Variants in SCFD2 observed in about 807,000 individuals in gnomAD.
The protein encoded by SCFD2 is sec1 family domain-containing protein 2.
SCFD2 carries 54 observed loss-of-function variants against 58.9 expected under a neutral mutation model. The observed-to-expected ratio is 0.92, with a 90% CI of 0.74 to 1.15. The LOEUF is 1.15. Among genes scored for constraint, SCFD2 ranks in the 50% most tolerant of loss-of-function variants. SCFD2 has a pLI of 0.00. For synonymous variants in SCFD2, 321 were observed against 335.9 expected (o/e 0.96, Z 0.49); for missense variants, 805 against 836.6 (o/e 0.96, Z 0.47).
chr4:53,291,446 A>C (rs1731836525), intron 3 of SCFD2, among the ~76,000 whole-genome samples: 1 of 152,160 alleles, frequency 6.6e-6, no homozygotes, highest in South Asian at 2.1e-4. Flanking sequence ...TTCAAGGAGA[A>C]CTACAAACCA....
chr4:52,907,164 C>A (rs928675877), intron 7 of SCFD2, among the ~76,000 whole-genome samples: 6 of 152,194 alleles, frequency 3.9e-5, no homozygotes, highest in African/African-American at 1.4e-4. Context: ...AAAACATAGG[C>A]TGCAAGGAGG....
chr4:53,162,013 A>T (rs1390167293), intron 4 of SCFD2, among the ~76,000 whole-genome samples: 1 of 152,200 alleles, frequency 6.6e-6, no homozygotes, highest in Admixed American at 6.5e-5. Context: ...CTTTATAAAA[A>T]TATGCATACT....
chr4:53,338,575 C>CTTTTTTTTTTTCTTTTT (rs1733753213), intron 2 of SCFD2, among the ~76,000 whole-genome samples: 1 of 72,296 alleles, frequency 1.4e-5, no homozygotes, highest in Admixed American at 2.4e-4. Flanking sequence ...GTATATTTTT[C>CTTTTTTTTTTTCTTTTT]TTTTTTTTTT....
At chr4:53,134,619 A>G (rs1725886226) in intron 5 of SCFD2, among the ~76,000 whole-genome samples, 2 of 152,266 alleles carry the variant, frequency 1.3e-5, no homozygotes, top group Non-Finnish European at 2.9e-5. Flanking sequence ...AGGAATCTCT[A>G]TACCATTATT....
intron 5 of SCFD2, chr4:52,949,752 C>T (rs1316294662): frequency 6.6e-6 from 1 of 152,172 alleles, no homozygotes; most frequent in Non-Finnish European, 1.5e-5. Context: ...ACCTAATGCT[C>T]CAGGAAAACA....
At position 53,293,577 on chromosome 4, in the gene SCFD2, A is replaced by C. The variant is rs543814516; in HGVS notation, c.1136-19576T>G. On this transcript the variant is annotated intron_variant, in intron 3 of 8. Transcript: ENST00000401642. ...AAAAAAGCATTTGCTAAAGTTCAAC[A>C]TCCTTTCTTCATAAAACCTCTTAAT... Among the ~76,000 whole-genome samples the C allele has an allele frequency of 8.3e-4, 127 of 152,308 alleles. 1 individual carries two copies. The South Asian group carries it at 0.025, about 30-fold the overall frequency.
intron 4 of SCFD2, among the ~76,000 whole-genome samples, chr4:53,249,640 G>C (rs1367688738): frequency 6.6e-6 from 1 of 152,162 alleles, no homozygotes; most frequent in Non-Finnish European, 1.5e-5. Context: ...AAGAGAGTGG[G>C]GGCCAATAAT....
At chr4:52,898,959 C>G (rs2109461582) in intron 7 of SCFD2, among the ~76,000 whole-genome samples, 2 of 152,300 alleles carry the variant, frequency 1.3e-5, no homozygotes, top group South Asian at 4.1e-4. Flanking sequence ...TTATCCAAGA[C>G]TAGGATTGCA....
chr4:53,042,742 C>T (rs1351247474), intron 5 of SCFD2, among the ~76,000 whole-genome samples: 1 of 151,904 alleles, frequency 6.6e-6, no homozygotes, highest in African/African-American at 2.4e-5. Flanking sequence ...CTAATGTCCT[C>T]CACTTACACA....
rs542267866 is a variant in SCFD2, at chr4:53,253,965, C to A, written c.1311+19861G>T. Among the ~76,000 whole-genome samples, 16 of 149,824 alleles carry A rather than the reference C, an allele frequency of 1.1e-4. 1 individual carries two copies. In the East Asian group the frequency reaches 3.1e-3, roughly 29 times the overall value. On this transcript the variant is annotated intron_variant, in intron 4 of 8. Coordinates refer to ENST00000401642, the MANE Select transcript of SCFD2 (RefSeq NM_152540.4). ...CAGGAACATGGATGGAGCTGGAGGTCATTATCCTTGGCAAAGTAGCATAGA... is the reference window on the plus strand; with the variant it reads ...CAGGAACATGGATGGAGCTGGAGGTAATTATCCTTGGCAAAGTAGCATAGA...
chr4:53,115,503 C>T (rs560711500), intron 5 of SCFD2, among the ~76,000 whole-genome samples: 6 of 152,218 alleles, frequency 3.9e-5, no homozygotes, highest in African/African-American at 1.2e-4. Context: ...GAGAGGTAGA[C>T]AGATCAATTG....
In SCFD2 at chr4:53,240,492, G is replaced by T. The variant is rs192646114; in HGVS notation, c.1311+33334C>A. The stretch of plus-strand genomic sequence containing the variant: ...TCAACTTAATCCTCAAAAAGGGAAG[G>T]TTGCCTGTATTATGTCACCATTTCA... On this transcript the variant is annotated intron_variant, in intron 4 of 8. Transcript: ENST00000401642. 3.6e-3 allele frequency among the ~76,000 whole-genome samples: 548 copies of T among 152,286 alleles called. 1 individual carries two copies. The highest frequency in any genetic ancestry group is 6.0e-3 in the Non-Finnish European group (408 of 68,018).
intron 2 of SCFD2, among the ~76,000 whole-genome samples, chr4:53,335,263 T>A (rs535952407): frequency 6.6e-6 from 1 of 150,470 alleles, no homozygotes; most frequent in African/African-American, 2.4e-5. Context: ...TTCTGTGATA[T>A]TCCTGCCAGA....
intron 2 of SCFD2, among the ~76,000 whole-genome samples, chr4:53,325,991 A>C (rs1458464441): frequency 2.0e-5 from 3 of 152,178 alleles, no homozygotes; most frequent in Non-Finnish European, 4.4e-5. Flanking sequence ...TTTATGCAAA[A>C]TATGCTAGAA....
At chr4:53,289,586 G>T (rs888505562) in intron 3 of SCFD2, among the ~76,000 whole-genome samples, 3 of 151,972 alleles carry the variant, frequency 2.0e-5, no homozygotes, top group African/African-American at 7.3e-5. Flanking sequence ...AAAACAACCA[G>T]AAAACAATTA....
intron 3 of SCFD2, among the ~76,000 whole-genome samples, chr4:53,298,645 T>A (rs1732143658): frequency 6.6e-6 from 1 of 152,184 alleles, no homozygotes; most frequent in Non-Finnish European, 1.5e-5. Context: ...GCAGACTGCC[T>A]CCTCAAGTGG....
chr4:53,350,588 A>G (rs911905857), intron 2 of SCFD2, among the ~76,000 whole-genome samples: 5 of 152,202 alleles, frequency 3.3e-5, no homozygotes, highest in African/African-American at 9.7e-5. Context: ...AGGACTCCCA[A>G]ATTAACTCAA....
chr4:53,009,921 C>G (rs1364225013), intron 5 of SCFD2, among the ~76,000 whole-genome samples: 1 of 152,152 alleles, frequency 6.6e-6, no homozygotes, highest in Non-Finnish European at 1.5e-5. Context: ...TCCCAAAACC[C>G]CTTGCATTTC....
At chr4:53,257,254 A>C (rs1730672688) in intron 4 of SCFD2, among the ~76,000 whole-genome samples, 1 of 152,224 alleles carries the variant, frequency 6.6e-6, no homozygotes, top group African/African-American at 2.4e-5. Flanking sequence ...GGTCACAGGC[A>C]AGCTATGAGC....
Sources: gnomAD v4.1 joint callset for allele counts (sites outside exome capture counted in the v4.1 genomes callset) on GRCh38, gnomAD v4.1.1 for gene constraint, MANE v1.5 for transcripts, NCBI Gene and HGNC (gene_info 2026-07-23, HGNC 2026-07-21) for gene names.